Variants in PCDHA8 observed in about 807,000 individuals in gnomAD.
The protein encoded by PCDHA8 is protocadherin alpha 8, also known as protocadherin alpha-8.
In PCDHA8, 53 loss-of-function variants were observed where a neutral mutation model predicts 61.8. That is an observed-to-expected ratio of 0.86 (90% confidence interval 0.69 to 1.08). The LOEUF (loss-of-function observed/expected upper bound fraction) is 1.08, where lower values mean the gene tolerates loss of function less well. Ranked by LOEUF, PCDHA8 falls within the 50% of genes least tolerant of loss-of-function variation. The pLI, the probability that PCDHA8 is intolerant of heterozygous loss-of-function variation, is 0.00. For missense variants in PCDHA8, 1,293 were observed against 1,245.0 expected, an observed-to-expected ratio of 1.04 and a Z score of -0.58; for synonymous variants, 618 against 556.6, an observed-to-expected ratio of 1.11 and a Z score of -1.55.
At chr5:140,918,941 T>C (rs1476342004) in intron 1 of PCDHA8, among the ~76,000 whole-genome samples, 1 of 152,228 alleles carries the variant, frequency 6.6e-6, no homozygotes, top group East Asian at 1.9e-4. Context: ...TTTGTTATAA[T>C]ATCCTGAACA....
intron 1 of PCDHA8, chr5:140,966,319 G>T: frequency 2.6e-6 from 1 of 388,824 alleles, no homozygotes; most frequent in Admixed American, 4.5e-5. Context: ...CCTGCGGTCC[G>T]CTGGGATCCG....
intron 1 of PCDHA8, chr5:140,869,313 A>T: frequency 6.2e-7 from 1 of 1,613,736 alleles, no homozygotes. Context: ...CGTCCAAAAC[A>T]CATGGGGACC....
chr5:140,877,516 G>A, intron 1 of PCDHA8: 1 of 1,613,816 alleles, frequency 6.2e-7, no homozygotes, highest in Non-Finnish European at 8.5e-7. Flanking sequence ...GTCGTCGCGG[G>A]CCTCAGTGGG....
chr5:140,991,149 C>T (rs2097435018), intron 3 of PCDHA8, among the ~76,000 whole-genome samples: 1 of 152,092 alleles, frequency 6.6e-6, no homozygotes, highest in South Asian at 2.1e-4. Flanking sequence ...GTTTTTTGCT[C>T]ACCATTGTAT....
At position 140,927,438 on chromosome 5, in the gene PCDHA8, C is replaced by A. The variant is rs1446762816; in HGVS notation, c.2395-51511C>A. ...GATCGCGGGTTGACGGCAGCGAATACCCGGAGTTGGTGTTGGAGAAAGCAC... is the reference window on the plus strand; with the variant it reads ...GATCGCGGGTTGACGGCAGCGAATAACCGGAGTTGGTGTTGGAGAAAGCAC... On this transcript the variant is annotated intron_variant, in intron 1 of 3. Coordinates refer to ENST00000531613, the MANE Select transcript of PCDHA8 (RefSeq NM_018911.3). 3 of 1,614,032 alleles carry A rather than the reference C, an allele frequency of 1.9e-6. No individual in the cohort carries two copies. The Admixed American group carries it at 5.0e-5, about 27-fold the overall frequency.
At chr5:141,005,572 C>G (rs548748234) in intron 3 of PCDHA8, among the ~76,000 whole-genome samples, 59 of 150,976 alleles carry the variant, frequency 3.9e-4, no homozygotes, top group Non-Finnish European at 7.7e-4. Context: ...CATGGTGGCG[C>G]GTGCCTGTAG....
chr5:140,842,284 C>A lies in PCDHA8; in HGVS notation c.963C>A (p.Asp321Glu). The change falls in exon 1 of 4, where the codon GAC (aspartate) becomes GAA (glutamate). Residue 321 changes from aspartate to glutamate, a missense_variant. Physicochemically the swap from Asp to Glu is conservative, Grantham distance 45 (BLOSUM62 2). Transcript: ENST00000531613. ...EQENLYKILI[D>E]ATDKGHPPMA... ...AAAACTTATACAAAATCCTCATTGA[C>A]GCCACGGACAAAGGCCATCCTCCCA... 1.2e-6 allele frequency: 2 copies of A among 1,610,320 alleles called. No homozygotes were observed. Among genetic ancestry groups the A allele is most frequent in the South Asian group, 1.1e-5 (1 of 91,008 alleles).
Position 140,859,942 on chromosome 5 carries a change from C to T in PCDHA8, c.2394+16227C>T, listed in dbSNP as rs188063424. ...AGTAATATAAAAAACTTAGTAAAAACTCATATCAATTGTAAAAGTCTCAGG... is the reference window on the plus strand; with the variant it reads ...AGTAATATAAAAAACTTAGTAAAAATTCATATCAATTGTAAAAGTCTCAGG... On this transcript the variant is annotated intron_variant, in intron 1 of 3. Coordinates refer to ENST00000531613, the MANE Select transcript of PCDHA8 (RefSeq NM_018911.3). 5.9e-5 allele frequency: 9 copies of T among 151,828 alleles called. No individual in the cohort carries two copies. The East Asian group carries it at 1.5e-3, about 26-fold the overall frequency. 9.4% of individuals were successfully genotyped at this position (151,828 alleles called of 1,614,324 possible). A position where few individuals can be genotyped will look rare whatever the true frequency, so the allele number is the denominator to read the frequency against.
At chr5:140,858,472 T>C in intron 1 of PCDHA8, 1 of 1,518,184 alleles carries the variant, frequency 6.6e-7, no homozygotes. Context: ...TTTTGTGCTT[T>C]ATGAATAATA....
At chr5:140,889,949 A>G (rs1444545834) in intron 1 of PCDHA8, among the ~76,000 whole-genome samples, 1 of 152,202 alleles carries the variant, frequency 6.6e-6, no homozygotes, top group South Asian at 2.1e-4. Flanking sequence ...GAGAAGCCAA[A>G]TGGATAGAAA....
rs2150486791 is a variant in PCDHA8 at position 140,850,510 on chromosome 5, G to C, written c.2394+6795G>C. The C allele has an allele frequency of 3.8e-6, 6 of 1,598,136 alleles. No homozygotes were observed. In the African/African-American group the frequency reaches 4.0e-5, roughly 11 times the overall value. On this transcript the variant is annotated intron_variant, in intron 1 of 3. Coordinates refer to ENST00000531613, the MANE Select transcript of PCDHA8 (RefSeq NM_018911.3). ...ACTGTGCTGGTGTCGCTGGTGGAGA[G>C]CGGCCAGGCGCCAAAGTCATCGTCG...
At chr5:140,946,237 A>C (rs540442862) in intron 1 of PCDHA8, among the ~76,000 whole-genome samples, 8 of 152,268 alleles carry the variant, frequency 5.3e-5, no homozygotes, top group African/African-American at 1.9e-4. Context: ...AAAAATGCTC[A>C]ACATCATGAA....
At chr5:140,921,943 T>C (rs2080514176) in intron 1 of PCDHA8, among the ~76,000 whole-genome samples, 1 of 151,972 alleles carries the variant, frequency 6.6e-6, no homozygotes, top group South Asian at 2.1e-4. Context: ...AATTTTACAC[T>C]TGTAAAATCC....
At chr5:140,906,083 A>G (rs1554192390) in intron 1 of PCDHA8, among the ~76,000 whole-genome samples, 1 of 152,146 alleles carries the variant, frequency 6.6e-6, no homozygotes, top group Non-Finnish European at 1.5e-5. Context: ...ACCCACCCAG[A>G]CTGAGAGTAA....
chr5:140,937,921 A>G (rs1304092674), intron 1 of PCDHA8, among the ~76,000 whole-genome samples: 2 of 152,184 alleles, frequency 1.3e-5, no homozygotes, highest in Non-Finnish European at 2.9e-5. Flanking sequence ...CAAAAAAAAA[A>G]AAAAAAGTTT....
At chr5:140,873,291 T>G (rs1392246125) in intron 1 of PCDHA8, among the ~76,000 whole-genome samples, 1 of 152,198 alleles carries the variant, frequency 6.6e-6, no homozygotes, top group Admixed American at 6.5e-5. Context: ...TTATGAAACT[T>G]TATAAATATA....
Position 140,842,971 on chromosome 5 carries a change from G to T in PCDHA8, c.1650G>T (p.Thr550=). Residue 550 remains threonine (T), a synonymous_variant, in exon 1 of 4, where the codon ACG becomes ACT. Coordinates refer to ENST00000531613, the MANE Select transcript of PCDHA8 (RefSeq NM_018911.3). The part of the protein sequence containing the change: ...AGVPPLGSNV[T]LQVFVLDEND... Reference sequence around the variant, plus strand: ...TGCCGCCTCTGGGCAGCAACGTGACGCTGCAGGTGTTCGTGCTGGACGAGA... The same window carrying T: ...TGCCGCCTCTGGGCAGCAACGTGACTCTGCAGGTGTTCGTGCTGGACGAGA... 6.3e-7 allele frequency: 1 copy of T among 1,594,964 alleles called. No individual in the cohort carries two copies. The highest frequency in any genetic ancestry group is 8.6e-7 in the Non-Finnish European group (1 of 1,165,502).
chr5:140,843,511 C>CG lies in PCDHA8; in HGVS notation c.2193dup (p.Cys732ValfsTer31). 1.3e-6 allele frequency: 2 copies of CG among 1,595,670 alleles called. No homozygotes were observed. The highest frequency in any genetic ancestry group is 1.7e-6 in the Non-Finnish European group (2 of 1,165,464). Reference sequence around the variant, plus strand: ...GGTGCTCAGCACTGCCCACTGAGGGCGGGTGCCGGGCGGGCAAGCCCACTC... The same window carrying CG: ...GGTGCTCAGCACTGCCCACTGAGGGCGGGGTGCCGGGCGGGCAAGCCCACTC... On this transcript the variant is annotated frameshift_variant, in exon 1 of 4. Coordinates refer to ENST00000531613, the MANE Select transcript of PCDHA8 (RefSeq NM_018911.3). LOFTEE classifies it high-confidence loss of function.
intron 3 of PCDHA8, among the ~76,000 whole-genome samples, chr5:140,994,064 A>G (rs902624513): frequency 6.6e-6 from 1 of 152,142 alleles, no homozygotes; most frequent in African/African-American, 2.4e-5. Context: ...TATAAATCTA[A>G]TGGTGAAGGG....
Sources: allele counts gnomAD v4.1 joint callset (sites outside exome capture counted in the v4.1 genomes callset), GRCh38; gene constraint gnomAD v4.1.1; transcripts MANE v1.5; gene names NCBI Gene and HGNC (gene_info 2026-07-23, HGNC 2026-07-21).